The following GMDS variants were observed in gnomAD, a reference collection of about 807,000 sequenced individuals.
GMDS encodes GDP-mannose 4,6 dehydratase.
GMDS carries 20 observed loss-of-function variants against 49.9 expected under a neutral mutation model. That is an observed-to-expected ratio of 0.40 (90% CI 0.28 to 0.58). The LOEUF (loss-of-function observed/expected upper bound fraction) is 0.58, where lower values mean the gene tolerates loss of function less well. Ranked by LOEUF, GMDS falls within the 20% of genes least tolerant of loss-of-function variation. The pLI is 0.42. For missense variants in GMDS, 362 were observed against 481.4 expected (o/e 0.75, Z 2.32); for synonymous variants, 177 against 178.6 (o/e 0.99, Z 0.07).
At chr6:2,041,631 G>C (rs1769687478) in intron 4 of GMDS, among the ~76,000 whole-genome samples, 1 of 152,180 alleles carries the variant, frequency 6.6e-6, no homozygotes, top group Non-Finnish European at 1.5e-5. Context: ...GTGGGGAGCA[G>C]GCTGAGGTGA....
intron 4 of GMDS, among the ~76,000 whole-genome samples, chr6:2,057,957 C>T (rs773399256): frequency 6.6e-5 from 10 of 152,056 alleles, no homozygotes; most frequent in South Asian, 2.1e-4. Flanking sequence ...TTGGGCAGCA[C>T]GGGTCTAGAG....
At position 1,876,038 on chromosome 6, in the gene GMDS, G is replaced by GA. The variant is rs1324053478; in HGVS notation, c.771+54064dup. Among the ~76,000 whole-genome samples the GA allele has an allele frequency of 1.7e-4, 24 of 142,602 alleles. No individual in the cohort carries two copies. The Admixed American group carries it at 1.7e-3, about 10-fold the overall frequency. 93.6% of individuals were successfully genotyped at this position (142,602 alleles called of 152,430 possible). A position where few individuals can be genotyped will look rare whatever the true frequency, so the allele number is the denominator to read the frequency against. On this transcript the variant is annotated intron_variant, in intron 7 of 10. Coordinates refer to ENST00000380815, the MANE Select transcript of GMDS (RefSeq NM_001500.4). ...CTCAAAAAAAAAAAAGAAAAGAAAA[G>GA]AAAAAAAATGTGAGCATAAATAATG...
intron 4 of GMDS, among the ~76,000 whole-genome samples, chr6:2,021,496 C>A (rs1768275835): frequency 6.6e-6 from 1 of 151,812 alleles, no homozygotes. Flanking sequence ...AGGCTTAGTC[C>A]AAAAACTTAA....
At chr6:1,835,735 A>G (rs946049354) in intron 7 of GMDS, among the ~76,000 whole-genome samples, 4 of 152,188 alleles carry the variant, frequency 2.6e-5, no homozygotes, top group African/African-American at 9.6e-5. Flanking sequence ...CATTTGGAGT[A>G]AAACAATTCT....
In GMDS at chr6:1,786,958, G is replaced by A. The variant is rs114107768; in HGVS notation, c.772-44372C>T. ...CCACCTCACACGTACCTACAGCCTC[G>A]CGCCACTCTGCCAGCGCGTACCCAC... On this transcript the variant is annotated intron_variant, in intron 7 of 10. Coordinates refer to ENST00000380815, the MANE Select transcript of GMDS (RefSeq NM_001500.4). Among the ~76,000 whole-genome samples, 1,349 of 152,188 alleles carry A rather than the reference G, an allele frequency of 8.9e-3. 19 individuals are homozygous for A. The highest frequency in any genetic ancestry group is 0.031 in the African/African-American group (1,295 of 41,512).
chr6:1,727,502 C>T (rs747321561), intron 8 of GMDS, among the ~76,000 whole-genome samples: 6 of 151,828 alleles, frequency 4.0e-5, no homozygotes, highest in Non-Finnish European at 7.4e-5. Flanking sequence ...AACTGGTTTG[C>T]ATTATGAGCT....
chr6:1,919,180 T>C (rs2113898775), intron 7 of GMDS, among the ~76,000 whole-genome samples: 1 of 152,342 alleles, frequency 6.6e-6, no homozygotes, highest in South Asian at 2.1e-4. Flanking sequence ...ATCCAGGTCC[T>C]GCCTTCAAGG....
chr6:1,774,814 G>T (rs1768729589), intron 7 of GMDS, among the ~76,000 whole-genome samples: 1 of 152,184 alleles, frequency 6.6e-6, no homozygotes, highest in African/African-American at 2.4e-5. Flanking sequence ...AATCAGTGTG[G>T]CATGTAACTT....
At chr6:1,966,248 C>T (rs974314119) in intron 4 of GMDS, among the ~76,000 whole-genome samples, 5 of 151,978 alleles carry the variant, frequency 3.3e-5, no homozygotes, top group Admixed American at 2.0e-4. Context: ...CTTCTCAATA[C>T]TATGGGATGA....
At chr6:1,935,490 G>A (rs935194325) in intron 6 of GMDS, among the ~76,000 whole-genome samples, 11 of 152,138 alleles carry the variant, frequency 7.2e-5, no homozygotes, top group African/African-American at 2.4e-4. Flanking sequence ...CTACAATTAA[G>A]TCTCAATGGA....
At chr6:2,223,469 G>GGA (rs1780686532) in intron 1 of GMDS, among the ~76,000 whole-genome samples, 1 of 148,576 alleles carries the variant, frequency 6.7e-6, no homozygotes, top group Non-Finnish European at 1.5e-5. Flanking sequence ...CAAATGAATG[G>GGA]AAAAAAAAAA....
chr6:1,912,990 C>T (rs954421202), intron 7 of GMDS, among the ~76,000 whole-genome samples: 2 of 152,152 alleles, frequency 1.3e-5, no homozygotes, highest in South Asian at 2.1e-4. Flanking sequence ...AATGCCACAC[C>T]CTTTAGTTAT....
intron 4 of GMDS, among the ~76,000 whole-genome samples, chr6:2,097,146 C>G (rs1773650413): frequency 6.6e-6 from 1 of 151,902 alleles, no homozygotes; most frequent in African/African-American, 2.4e-5. Flanking sequence ...AAATGAATTA[C>G]AAGAACACCC....
chr6:2,113,720 AT>A (rs2127497735), intron 4 of GMDS, among the ~76,000 whole-genome samples: 1 of 152,108 alleles, frequency 6.6e-6, no homozygotes, highest in East Asian at 1.9e-4. Context: ...ACTTGTGCCA[AT>A]CACCCCTCCT....
intron 1 of GMDS, among the ~76,000 whole-genome samples, chr6:2,160,578 G>A (rs1014507245): frequency 7.2e-5 from 11 of 152,202 alleles, no homozygotes; most frequent in Admixed American, 2.0e-4. Flanking sequence ...TGAGACAGGT[G>A]TTGCCCAGGC....
At chr6:2,175,123 C>G (rs531742723) in intron 1 of GMDS, among the ~76,000 whole-genome samples, 2 of 152,080 alleles carry the variant, frequency 1.3e-5, no homozygotes, top group African/African-American at 2.4e-5. Flanking sequence ...CTTGAGAAGT[C>G]TTATGGTTGG....
At chr6:1,683,389 C>G (rs942072098) in intron 9 of GMDS, among the ~76,000 whole-genome samples, 10 of 152,326 alleles carry the variant, frequency 6.6e-5, no homozygotes, top group Non-Finnish European at 1.3e-4. Flanking sequence ...TCCCAAAGTG[C>G]TGGGATTACA....
chr6:2,128,802 A>C (rs1775585282), intron 1 of GMDS, among the ~76,000 whole-genome samples: 1 of 152,234 alleles, frequency 6.6e-6, no homozygotes, highest in Non-Finnish European at 1.5e-5. Flanking sequence ...AATGCAGAGA[A>C]GTCATGTAAT....
At position 1,631,698 on chromosome 6, in the gene GMDS, C is replaced by T. The variant is rs77007344; in HGVS notation, c.988-7158G>A. On this transcript the variant is annotated intron_variant, in intron 9 of 10. Coordinates refer to ENST00000380815, the MANE Select transcript of GMDS (RefSeq NM_001500.4). ...TTCTCCCCAATCCAAATATAAATAACGTAACAGGGTCATTCAAACAGGGTC... is the reference window on the plus strand; with the variant it reads ...TTCTCCCCAATCCAAATATAAATAATGTAACAGGGTCATTCAAACAGGGTC... Among the ~76,000 whole-genome samples the T allele has an allele frequency of 7.5e-3, 1,142 of 151,968 alleles. 17 individuals carry two copies. Among genetic ancestry groups the T allele is most frequent in the African/African-American group, 0.026 (1,074 of 41,450 alleles).
Sources: gnomAD v4.1 joint callset for allele counts (sites outside exome capture counted in the v4.1 genomes callset) on GRCh38, gnomAD v4.1.1 for gene constraint, MANE v1.5 for transcripts, NCBI Gene and HGNC (gene_info 2026-07-23, HGNC 2026-07-21) for gene names.